KCNQ5: variants seen among roughly 807,000 people sequenced by gnomAD.
KCNQ5 encodes the protein potassium voltage-gated channel subfamily Q member 5.
Under a neutral mutation model 98.2 loss-of-function variants are expected in KCNQ5, and 30 were observed. The observed-to-expected ratio is 0.31, with a 90% CI of 0.23 to 0.41. The LOEUF is 0.41. KCNQ5 is among the 10% of genes least tolerant of loss of function. The pLI, the probability that KCNQ5 is intolerant of heterozygous loss-of-function variation, is 1.00. For missense variants in KCNQ5, 835 were observed against 1,182.5 expected (o/e 0.71, Z 4.31); for synonymous variants, 458 against 449.4 (o/e 1.02, Z -0.24).
intron 1 of KCNQ5, among the ~76,000 whole-genome samples, chr6:72,628,818 G>A (rs2098919320): frequency 1.3e-5 from 2 of 152,018 alleles, no homozygotes; most frequent in African/African-American, 2.4e-5. Context: ...TCGCTATGTT[G>A]GCCAGGCTGG....
intron 1 of KCNQ5, among the ~76,000 whole-genome samples, chr6:72,852,905 A>G (rs1045659040): frequency 2.6e-4 from 40 of 152,026 alleles, no homozygotes; most frequent in African/African-American, 6.5e-4. Context: ...GAAATATTAT[A>G]TCATAGAGAG....
At chr6:73,055,084 C>G in intron 3 of KCNQ5, 1 of 703,066 alleles carries the variant, frequency 1.4e-6, no homozygotes. Flanking sequence ...TGCTATCCCC[C>G]AAGCCTGCCA....
chr6:73,070,296 A>C (rs1773245047), intron 3 of KCNQ5, among the ~76,000 whole-genome samples: 1 of 152,238 alleles, frequency 6.6e-6, no homozygotes, highest in Admixed American at 6.6e-5. Flanking sequence ...CAATAAGTAT[A>C]TGCAAACATT....
intron 1 of KCNQ5, among the ~76,000 whole-genome samples, chr6:72,818,966 A>G: frequency 6.6e-6 from 1 of 151,864 alleles, no homozygotes; most frequent in Non-Finnish European, 1.5e-5. Context: ...CATGCTCTGA[A>G]AAAAGAGTTA....
chr6:72,924,472 G>A (rs1032401831), intron 1 of KCNQ5, among the ~76,000 whole-genome samples: 1 of 152,238 alleles, frequency 6.6e-6, no homozygotes, highest in African/African-American at 2.4e-5. Context: ...TAAGTGGGTC[G>A]CCATCCGCAT....
intron 5 of KCNQ5, among the ~76,000 whole-genome samples, chr6:73,097,297 T>A (rs1021041585): frequency 5.3e-5 from 8 of 151,598 alleles, no homozygotes; most frequent in African/African-American, 1.7e-4. Context: ...TGTTTCAGAT[T>A]CCCCATGTAG....
At chr6:72,739,733 AC>A (rs1311339125) in intron 1 of KCNQ5, among the ~76,000 whole-genome samples, 3 of 152,192 alleles carry the variant, frequency 2.0e-5, no homozygotes, top group African/African-American at 7.2e-5. Context: ...GGACTGAGGA[AC>A]TGTTAATTCC....
intron 2 of KCNQ5, among the ~76,000 whole-genome samples, chr6:73,004,538 T>C (rs1012938915): frequency 6.6e-6 from 1 of 152,228 alleles, no homozygotes; most frequent in African/African-American, 2.4e-5. Context: ...TGCAGTTTGC[T>C]CTGTTTCCAT....
intron 1 of KCNQ5, among the ~76,000 whole-genome samples, chr6:72,921,000 T>G (rs1199481718): frequency 6.6e-6 from 1 of 152,132 alleles, no homozygotes; most frequent in African/African-American, 2.4e-5. Flanking sequence ...GAAAAAACAC[T>G]ATGATATTAA....
In KCNQ5 at chr6:73,196,200, G is replaced by C. The variant is rs927145393; in HGVS notation, c.*786G>C. 5.2e-5 allele frequency: 8 copies of C among 152,410 alleles called. No homozygotes were observed. In the East Asian group the frequency reaches 1.3e-3, roughly 26 times the overall value. 9.4% of individuals were successfully genotyped at this position (152,410 alleles called of 1,614,324 possible). ...CTTCTACACAAGCGTATGAAATACTGGTCAGTAGAACAGCCATTGTGATTG... is the reference window on the plus strand; with the variant it reads ...CTTCTACACAAGCGTATGAAATACTCGTCAGTAGAACAGCCATTGTGATTG... On this transcript the variant is annotated 3_prime_UTR_variant, in exon 14 of 14. Transcript: ENST00000370398.
intron 1 of KCNQ5, among the ~76,000 whole-genome samples, chr6:72,763,291 G>T (rs946829543): frequency 5.9e-5 from 9 of 151,902 alleles, no homozygotes; most frequent in African/African-American, 2.2e-4. Context: ...AGGATGTGTT[G>T]GCCTTAAAGG....
intron 9 of KCNQ5, chr6:73,129,745 A>G (rs753553461): frequency 2.9e-5 from 44 of 1,522,478 alleles, no homozygotes; most frequent in African/African-American, 4.1e-5. Flanking sequence ...GCACTTTCCT[A>G]TTCGTGAAAT....
intron 1 of KCNQ5, among the ~76,000 whole-genome samples, chr6:72,825,913 A>G (rs969150418): frequency 2.0e-5 from 3 of 152,148 alleles, no homozygotes; most frequent in African/African-American, 4.8e-5. Context: ...CAGATTAAAT[A>G]TAGGAAGGAT....
intron 10 of KCNQ5, among the ~76,000 whole-genome samples, 159 bp from the exon 11 acceptor site, chr6:73,169,587 G>T (rs1023897162): frequency 6.6e-5 from 10 of 152,310 alleles, no homozygotes; most frequent in Admixed American, 2.0e-4. Context: ...AGAAAAAGAA[G>T]AAAGAATAAT....
chr6:73,022,366 A>T (rs752584409), intron 2 of KCNQ5, among the ~76,000 whole-genome samples: 1 of 152,096 alleles, frequency 6.6e-6, no homozygotes, highest in Non-Finnish European at 1.5e-5. Context: ...TATAAACTGG[A>T]CACAGTGGCT....
chr6:72,921,546 A>G (rs1780399601), intron 1 of KCNQ5, among the ~76,000 whole-genome samples: 1 of 152,162 alleles, frequency 6.6e-6, no homozygotes, highest in Non-Finnish European at 1.5e-5. Flanking sequence ...TGGAGCTGCT[A>G]CTTACTAGTT....
At chr6:73,067,464 G>A (rs1312773810) in intron 3 of KCNQ5, among the ~76,000 whole-genome samples, 1 of 152,102 alleles carries the variant, frequency 6.6e-6, no homozygotes, top group Non-Finnish European at 1.5e-5. Flanking sequence ...ATAGCCCTGT[G>A]AGAAAAAGGG....
At chr6:72,838,936 C>T (rs1017378132) in intron 1 of KCNQ5, among the ~76,000 whole-genome samples, 1 of 112,152 alleles carries the variant, frequency 8.9e-6, no homozygotes, top group Non-Finnish European at 1.7e-5. Context: ...GGCGACAGAG[C>T]GAGACTCCGT....
At chr6:73,031,866 G>A (rs1771165182) in intron 2 of KCNQ5, among the ~76,000 whole-genome samples, 1 of 152,118 alleles carries the variant, frequency 6.6e-6, no homozygotes, top group African/African-American at 2.4e-5. Flanking sequence ...CAGATTTTCT[G>A]GAAATCAAGG....
Sources: gnomAD v4.1 joint callset for allele counts (sites outside exome capture counted in the v4.1 genomes callset) on GRCh38, gnomAD v4.1.1 for gene constraint, MANE v1.5 for transcripts, NCBI Gene and HGNC (gene_info 2026-07-23, HGNC 2026-07-21) for gene names.